IREB2: variants seen among roughly 807,000 people sequenced by gnomAD.
The protein encoded by IREB2 is iron-responsive element-binding protein 2.
IREB2 carries 39 observed loss-of-function variants against 118.8 expected under a neutral mutation model. The ratio of observed to expected loss-of-function variants is 0.33; its 90% CI spans 0.25 to 0.43. The LOEUF (loss-of-function observed/expected upper bound fraction) is 0.43. Ranked by LOEUF, IREB2 falls within the 20% of genes least tolerant of loss-of-function variation. The pLI, the probability that IREB2 is intolerant of heterozygous loss-of-function variation, is 1.00. For synonymous variants in IREB2, 372 were observed against 392.2 expected (o/e 0.95, Z 0.61); for missense variants, 900 against 1,147.3 (o/e 0.78, Z 3.11).
At chr15:78,478,020 G>T (rs369639417) in intron 9 of IREB2, among the ~76,000 whole-genome samples, 2 of 149,238 alleles carry the variant, frequency 1.3e-5, no homozygotes, top group African/African-American at 4.9e-5. Flanking sequence ...CTGAGAGTTC[G>T]AAACCAACCT....
intron 10 of IREB2, chr15:78,480,126 A>G (rs1166209058): frequency 6.6e-6 from 1 of 152,132 alleles, no homozygotes; most frequent in South Asian, 2.1e-4. Flanking sequence ...TCCTAGAACA[A>G]TTGCTGGCAC....
chr15:78,472,627 A>G (rs1264404782), intron 7 of IREB2, among the ~76,000 whole-genome samples: 2 of 152,136 alleles, frequency 1.3e-5, no homozygotes, highest in Non-Finnish European at 2.9e-5. Context: ...TCGACCTCCC[A>G]AAGTGCTGGG....
intron 8 of IREB2, chr15:78,475,498 A>G (rs1055108585): frequency 5.3e-5 from 8 of 152,136 alleles, no homozygotes; most frequent in African/African-American, 1.9e-4. Context: ...TCATCAGTCT[A>G]TTAGTATTTC....
intron 2 of IREB2, among the ~76,000 whole-genome samples, chr15:78,443,246 A>G (rs915189545): frequency 2.0e-5 from 3 of 152,236 alleles, no homozygotes; most frequent in African/African-American, 7.2e-5. Context: ...TTTCTCTTTC[A>G]AAGTATCTTA....
At chr15:78,439,651 A>C (rs1281103354) in intron 1 of IREB2, 144 bp from the exon 2 acceptor site, 3 of 560,584 alleles carry the variant, frequency 5.4e-6, no homozygotes, top group African/African-American at 3.9e-5. Flanking sequence ...ACACGTTGCT[A>C]ATGGCTACTT....
At position 78,487,695 on chromosome 15, in the gene IREB2, G is replaced by GTGA. The variant is rs758563160; in HGVS notation, c.1710-35_1710-33dup. The GTGA allele has an allele frequency of 1.8e-5, 19 of 1,053,924 alleles. No individual in the cohort carries two copies. In the East Asian group the frequency reaches 4.0e-4, roughly 22 times the overall value. 65.3% of individuals were successfully genotyped at this position (1,053,924 alleles called of 1,614,324 possible). ...GACTTGTCCTTTCTCTATAAATGTT[G>GTGA]TGATGTGCTATTCAGTCACTTTTTT... is the stretch of plus-strand genomic sequence containing the variant. On this transcript the variant is annotated intron_variant, in intron 13 of 21. Transcript: ENST00000258886.
intron 7 of IREB2, among the ~76,000 whole-genome samples, chr15:78,472,373 C>CTT (rs985223563): frequency 7.0e-6 from 1 of 142,134 alleles, no homozygotes; most frequent in Non-Finnish European, 1.5e-5. Context: ...TTTTCTTTTT[C>CTT]TTTTTTTTTT....
intron 2 of IREB2, among the ~76,000 whole-genome samples, chr15:78,457,592 A>G (rs1383408487): frequency 6.6e-6 from 1 of 152,066 alleles, no homozygotes; most frequent in African/African-American, 2.4e-5. Context: ...ATCTCAGGCA[A>G]TCCTGATTTC....
intron 9 of IREB2, among the ~76,000 whole-genome samples, chr15:78,478,041 A>C (rs996732838): frequency 5.9e-5 from 9 of 151,880 alleles, no homozygotes; most frequent in African/African-American, 2.2e-4. Context: ...ATTCAAAAAA[A>C]ACAAGACCCT....
At position 78,473,345 on chromosome 15, in the gene IREB2, T is replaced by C. The variant is rs2051410610; in HGVS notation, c.987T>C (p.Phe329=). Residue 329 remains phenylalanine, a synonymous_variant, in exon 8 of 22, where the codon TTT becomes TTC. Coordinates refer to ENST00000258886, the MANE Select transcript of IREB2 (RefSeq NM_004136.4). ...GCELTGSSNP[F]VTSIDVVLGI... is the part of the protein sequence containing the mutation. ...AGTTAACTGGGTCATCAAACCCTTT[T>C]GTTACATCCATAGATGTTGTTCTTG... 2 of 1,614,002 alleles carry C rather than the reference T, an allele frequency of 1.2e-6. No individual in the cohort carries two copies. Among genetic ancestry groups the C allele is most frequent in the Admixed American group, 1.7e-5 (1 of 60,022 alleles).
chr15:78,471,603 T>C, intron 6 of IREB2, 138 bp from the exon 7 acceptor site: 1 of 478,576 alleles, frequency 2.1e-6, no homozygotes, highest in East Asian at 3.2e-5. Context: ...TATATTTGTT[T>C]TTAACTATGT....
chr15:78,441,708 C>T (rs2050846846), intron 2 of IREB2, among the ~76,000 whole-genome samples: 2 of 152,086 alleles, frequency 1.3e-5, no homozygotes, highest in African/African-American at 4.8e-5. Flanking sequence ...TAAATTTTCC[C>T]TGGGAAATAA....
intron 13 of IREB2, among the ~76,000 whole-genome samples, chr15:78,487,013 A>G (rs921104659): frequency 6.6e-6 from 1 of 152,224 alleles, no homozygotes; most frequent in South Asian, 2.1e-4. Flanking sequence ...TGAGTCATCA[A>G]TTCCATTGCA....
At position 78,438,230 on chromosome 15, in the gene IREB2, C is replaced by A; in HGVS notation, c.-108C>A. The A allele has an allele frequency of 2.3e-6, 2 of 872,508 alleles. No homozygotes were observed. Among genetic ancestry groups the A allele is most frequent in the South Asian group, 2.9e-5 (2 of 69,940 alleles). The allele number at this position is 872,508 out of a possible 1,614,324, so 54.0% of individuals were successfully genotyped here. Reference sequence around the variant, plus strand: ...GATATTTGCGCGAGCCTGCTTCCTTCTTTCCTCCCTTGCCAGTCCGCCTGT... The same window carrying A: ...GATATTTGCGCGAGCCTGCTTCCTTATTTCCTCCCTTGCCAGTCCGCCTGT... On this transcript the variant is annotated 5_prime_UTR_variant, in exon 1 of 22. Coordinates refer to ENST00000258886, the MANE Select transcript of IREB2 (RefSeq NM_004136.4).
intron 9 of IREB2, among the ~76,000 whole-genome samples, chr15:78,477,539 G>C (rs2051492671): frequency 6.6e-6 from 1 of 152,198 alleles, no homozygotes; most frequent in East Asian, 1.9e-4. Flanking sequence ...AGGGTTAGGA[G>C]AAAGAGAAAT....
intron 2 of IREB2, among the ~76,000 whole-genome samples, chr15:78,455,922 C>G (rs954601489): frequency 2.0e-5 from 3 of 152,210 alleles, no homozygotes; most frequent in Non-Finnish European, 4.4e-5. Context: ...ACATGGCTGA[C>G]AGGCTGGCGC....
intron 12 of IREB2, 29 bp downstream of exon 12, chr15:78,484,949 TC>T: frequency 6.3e-7 from 1 of 1,593,426 alleles, no homozygotes; most frequent in Non-Finnish European, 8.6e-7. Flanking sequence ...CCATACTTTT[TC>T]TTTTTCCTTA....
chr15:78,462,232 A>G (rs895787545), intron 2 of IREB2, among the ~76,000 whole-genome samples: 1 of 152,220 alleles, frequency 6.6e-6, no homozygotes, highest in African/African-American at 2.4e-5. Flanking sequence ...AAACAGCTGC[A>G]TGGTAATCCA....
chr15:78,483,869 C>A (rs1481268847), intron 11 of IREB2, among the ~76,000 whole-genome samples: 1 of 78 alleles, frequency 0.013, no homozygotes, highest in African/African-American at 0.05. Context: ...CTGCAACCTC[C>A]CCCCTCCCGG....
Sources: allele counts gnomAD v4.1 joint callset (sites outside exome capture counted in the v4.1 genomes callset), GRCh38; gene constraint gnomAD v4.1.1; transcripts MANE v1.5; gene names NCBI Gene and HGNC (gene_info 2026-07-23, HGNC 2026-07-21).